Variants in PAQR5 observed in about 807,000 individuals in gnomAD.
PAQR5 encodes the protein progestin and adipoQ receptor family member 5.
In PAQR5, 20 loss-of-function variants were observed where a neutral mutation model predicts 34.5. That is an observed-to-expected ratio of 0.58 (90% CI 0.41 to 0.84). The LOEUF is 0.84. Ranked by LOEUF, PAQR5 falls within the 40% of genes least tolerant of loss-of-function variation. The probability of loss-of-function intolerance (pLI) is 0.00; values close to 1 mark genes in which losing one functional copy is unlikely to be tolerated. For missense variants in PAQR5, 378 were observed against 412.7 expected (o/e 0.92, Z 0.73); for synonymous variants, 131 against 155.6 (o/e 0.84, Z 1.18).
At chr15:69,328,707 C>T (rs1472127410) in intron 1 of PAQR5, among the ~76,000 whole-genome samples, 1 of 152,220 alleles carries the variant, frequency 6.6e-6, no homozygotes, top group African/African-American at 2.4e-5. Context: ...GGCAACCCCT[C>T]CTTAGGGCCC....
In PAQR5 at chr15:69,405,616, G is replaced by A. The variant is rs1005469345; in HGVS notation, c.*1794G>A. On this transcript the variant is annotated 3_prime_UTR_variant, in exon 9 of 9. Coordinates refer to ENST00000395407, the MANE Select transcript of PAQR5 (RefSeq NM_017705.4). The stretch of plus-strand genomic sequence containing the variant: ...ATCTTACTGTAACTTCAATTTTATG[G>A]CAAAAAAAGGTACAAAGTTTAAATA... 3.3e-5 allele frequency: 5 copies of A among 151,808 alleles called. No homozygotes were observed. The highest frequency in any genetic ancestry group is 5.9e-5 in the Non-Finnish European group (4 of 67,922). 9.4% of individuals were successfully genotyped at this position (151,808 alleles called of 1,614,324 possible). A position where few individuals can be genotyped will look rare whatever the true frequency, so the allele number is the denominator to read the frequency against.
rs542547437 is a variant in PAQR5, at chr15:69,394,119, G to GT, written c.513-3337dup. Among the ~76,000 whole-genome samples, 855 of 140,212 alleles carry GT rather than the reference G, an allele frequency of 6.1e-3. 8 individuals are homozygous for GT. The highest frequency in any genetic ancestry group is 0.016 in the African/African-American group (591 of 38,000). The allele number at this position is 140,212 out of a possible 152,430, so 92.0% of individuals were successfully genotyped here. On this transcript the variant is annotated intron_variant, in intron 6 of 8. Coordinates refer to ENST00000395407, the MANE Select transcript of PAQR5 (RefSeq NM_017705.4). ...ATTGATTGTTTTTTTTTTGTTTTTTGTTTTTTTTTTTTCAAAGAGCTGCTG... is the reference window on the plus strand; with the variant it reads ...ATTGATTGTTTTTTTTTTGTTTTTTGTTTTTTTTTTTTTCAAAGAGCTGCTG...
chr15:69,372,271 C>T (rs1444678514), intron 3 of PAQR5, among the ~76,000 whole-genome samples: 2 of 152,196 alleles, frequency 1.3e-5, no homozygotes, highest in African/African-American at 4.8e-5. Flanking sequence ...TGGCCAGGCG[C>T]GGTGGCTCAT....
At chr15:69,308,774 A>G (rs2053770443) in intron 1 of PAQR5, among the ~76,000 whole-genome samples, 1 of 152,054 alleles carries the variant, frequency 6.6e-6, no homozygotes, top group Non-Finnish European at 1.5e-5. Flanking sequence ...AGCAAGTGCA[A>G]AGGCCCTGAG....
At position 69,399,962 on chromosome 15, in the gene PAQR5, A is replaced by T; in HGVS notation, c.610-12A>T. 1.9e-6 allele frequency: 3 copies of T among 1,611,192 alleles called. No homozygotes were observed. Among genetic ancestry groups the T allele is most frequent in the Non-Finnish European group, 2.5e-6 (3 of 1,178,554 alleles). On this transcript the variant is annotated splice_polypyrimidine_tract_variant and intron_variant, in intron 7 of 8. Transcript: ENST00000395407. ...TCCTCTCAAGACCTGATGTTTCTTTAAACACCTGCAGCTATTCCTGTTCCC... is the reference window on the plus strand; with the variant it reads ...TCCTCTCAAGACCTGATGTTTCTTTTAACACCTGCAGCTATTCCTGTTCCC...
intron 2 of PAQR5, among the ~76,000 whole-genome samples, chr15:69,346,962 A>G (rs924008867): frequency 7.9e-5 from 12 of 151,992 alleles, no homozygotes; most frequent in Admixed American, 3.3e-4. Context: ...GTTTACAGGC[A>G]CCCACCACCA....
chr15:69,326,995 GT>G (rs980413953), intron 1 of PAQR5, among the ~76,000 whole-genome samples: 15 of 147,430 alleles, frequency 1.0e-4, no homozygotes, highest in South Asian at 2.2e-4. Flanking sequence ...ATCATGCTGG[GT>G]TTTTTTTTTA....
intron 1 of PAQR5, among the ~76,000 whole-genome samples, chr15:69,315,957 G>T (rs563268487): frequency 5.4e-4 from 82 of 152,342 alleles, no homozygotes; most frequent in African/African-American, 1.9e-3. Flanking sequence ...AGCCTCAGAG[G>T]TGGTCCTGGG....
intron 1 of PAQR5, among the ~76,000 whole-genome samples, chr15:69,300,625 CTTTCTTTCTTTCTT>C (rs1390238181): frequency 2.0e-5 from 1 of 49,956 alleles, no homozygotes; most frequent in Non-Finnish European, 4.6e-5. Flanking sequence ...TTCTTTCTTT[CTTTCTTTCTTTCTT>C]TCTTTCTTTC....
chr15:69,372,059 A>T (rs1245475432), intron 3 of PAQR5, among the ~76,000 whole-genome samples: 3 of 152,254 alleles, frequency 2.0e-5, no homozygotes, highest in Non-Finnish European at 4.4e-5. Flanking sequence ...TTGAGAGAAG[A>T]TTCAGAGAAT....
At chr15:69,349,150 A>G (rs551927496) in intron 2 of PAQR5, among the ~76,000 whole-genome samples, 9 of 152,182 alleles carry the variant, frequency 5.9e-5, no homozygotes, top group Admixed American at 3.3e-4. Context: ...GCACCATCCA[A>G]TTAGCATCCC....
chr15:69,305,345 G>A (rs925779015), intron 1 of PAQR5, among the ~76,000 whole-genome samples: 1 of 152,164 alleles, frequency 6.6e-6, no homozygotes, highest in Non-Finnish European at 1.5e-5. Context: ...GGGAGACCAT[G>A]TTCTCTTTCC....
intron 1 of PAQR5, among the ~76,000 whole-genome samples, chr15:69,311,329 G>A (rs2053830059): frequency 6.6e-6 from 1 of 152,110 alleles, no homozygotes; most frequent in South Asian, 2.1e-4. Flanking sequence ...GAAGTTAGAG[G>A]GATGAGAGAG....
chr15:69,348,344 A>G (rs973754336), intron 2 of PAQR5, among the ~76,000 whole-genome samples: 1 of 152,212 alleles, frequency 6.6e-6, no homozygotes, highest in African/African-American at 2.4e-5. Context: ...AAATGGGGAA[A>G]CTGAAGCACA....
At chr15:69,382,800 CCATAT>C (rs2055944175) in intron 4 of PAQR5, 1 of 3,914 alleles carries the variant, frequency 2.6e-4, no homozygotes, top group African/African-American at 1.2e-3. Flanking sequence ...ATATATATGA[CCATAT>C]ATATATATAT....
intron 4 of PAQR5, among the ~76,000 whole-genome samples, chr15:69,382,394 C>A (rs937523272): frequency 6.6e-6 from 1 of 151,998 alleles, no homozygotes; most frequent in African/African-American, 2.4e-5. Flanking sequence ...TGCCTATAAT[C>A]CCAGTACTCT....
intron 1 of PAQR5, among the ~76,000 whole-genome samples, chr15:69,300,695 T>C (rs111285142): frequency 0.074 from 492 of 6,634 alleles, 15 homozygotes; most frequent in Admixed American, 0.16. Context: ...TCCCTCCCTC[T>C]CTCTCTCTCT....
In PAQR5 at chr15:69,333,067, T is replaced by G. The variant is rs180841898; in HGVS notation, c.-276-4274T>G. Among the ~76,000 whole-genome samples, 133 of 152,280 alleles carry G rather than the reference T, an allele frequency of 8.7e-4. 1 individual carries two copies. The highest frequency in any genetic ancestry group is 3.4e-3 in the Middle Eastern group (1 of 294). ...AAAGGCCTTTATGTTTTCCTCTTTT[T>G]GGGACTTGTTTTTTTCCTGGGAAAA... On this transcript the variant is annotated intron_variant, in intron 1 of 8. Transcript: ENST00000395407.
At chr15:69,349,127 G>T (rs1410370129) in intron 2 of PAQR5, among the ~76,000 whole-genome samples, 1 of 152,064 alleles carries the variant, frequency 6.6e-6, no homozygotes, top group African/African-American at 2.4e-5. Context: ...AAATTTGCCC[G>T]TAATGTGGGT....
Sources: gnomAD v4.1 joint callset for allele counts (sites outside exome capture counted in the v4.1 genomes callset) on GRCh38, gnomAD v4.1.1 for gene constraint, MANE v1.5 for transcripts, NCBI Gene and HGNC (gene_info 2026-07-23, HGNC 2026-07-21) for gene names.